Variants in TRAP1 observed in about 807,000 individuals in gnomAD.
TRAP1 encodes the protein heat shock protein 75 kDa, mitochondrial.
A neutral mutation model predicts 89.1 loss-of-function variants in TRAP1; 102 were observed. That is an observed-to-expected ratio of 1.15 (90% CI 0.98 to 1.35). The LOEUF is 1.35. TRAP1 is among the 40% of genes most tolerant of loss of function. The pLI, the probability that TRAP1 is intolerant of heterozygous loss-of-function variation, is 0.00. For synonymous variants in TRAP1, 508 were observed against 388.0 expected (o/e 1.31, Z -3.64); for missense variants, 1,256 against 945.3 (o/e 1.33, Z -4.31).
intron 2 of TRAP1, 88 bp from the exon 3 acceptor site, chr16:3,689,225 A>C (rs2051179137): frequency 1.9e-6 from 2 of 1,045,056 alleles, no homozygotes; most frequent in South Asian, 1.6e-5. Flanking sequence ...AGAAAGCTTA[A>C]GTTTATGAGT....
intron 1 of TRAP1, among the ~76,000 whole-genome samples, chr16:3,694,954 C>T (rs1198695476): frequency 2.0e-5 from 3 of 152,190 alleles, no homozygotes; most frequent in African/African-American, 4.8e-5. Context: ...GGTCTGTTTG[C>T]GCCTCTTCCA....
At chr16:3,712,378 T>C (rs971507892) in intron 1 of TRAP1, among the ~76,000 whole-genome samples, 9 of 148,838 alleles carry the variant, frequency 6.0e-5, no homozygotes, top group African/African-American at 2.2e-4. Flanking sequence ...GCCTCTTTCA[T>C]GGAACTCACC....
rs145878980 is a variant in TRAP1, at chr16:3,658,144, G to C, written c.2100C>G (p.Ala700=). The change falls in exon 18 of 18, where the codon GCC becomes GCG. Residue 700 remains alanine (A), a synonymous_variant. Coordinates refer to ENST00000246957, the MANE Select transcript of TRAP1 (RefSeq NM_016292.3). Reference sequence around the variant, plus strand: ...CCCCTGGCTGTCAGTGTCGCTCCAGGGCCTTGACAAGCAGCTCATTCAAGC... The same window carrying C: ...CCCCTGGCTGTCAGTGTCGCTCCAGCGCCTTGACAAGCAGCTCATTCAAGC... ...VGRLNELLVK[A]LERH is the part of the protein sequence containing the mutation. 5 of 1,614,088 alleles carry C rather than the reference G, an allele frequency of 3.1e-6. No individual in the cohort carries two copies. Among genetic ancestry groups the C allele is most frequent in the Non-Finnish European group, 4.2e-6 (5 of 1,179,996 alleles).
chr16:3,671,725 A>C lies in TRAP1; in HGVS notation c.1232T>G (p.Ile411Ser), dbSNP rs773434458. The change falls in exon 11 of 18, where the codon ATC becomes AGC. Residue 411 changes from isoleucine to serine, a missense_variant. Physicochemically the swap from Ile to Ser is moderately radical, Grantham distance 142. Coordinates refer to ENST00000246957, the MANE Select transcript of TRAP1 (RefSeq NM_016292.3). ...SRELLQESALIRKLRDVLQQR... is the reference protein window; with the variant it reads ...SRELLQESALSRKLRDVLQQR... Reference sequence around the variant, plus strand: ...CTCCCCGCGGCCCGAGGCTCACCTGATGAGTGCGCTCTCCTGCAGCAGCTC... The same window carrying C: ...CTCCCCGCGGCCCGAGGCTCACCTGCTGAGTGCGCTCTCCTGCAGCAGCTC... 1 of 1,612,848 alleles carries C rather than the reference A, an allele frequency of 6.2e-7. No individual in the cohort carries two copies. The highest frequency in any genetic ancestry group is 8.5e-7 in the Non-Finnish European group (1 of 1,179,998).
At chr16:3,673,259 A>T (rs377099685) in intron 9 of TRAP1, among the ~76,000 whole-genome samples, 17 of 152,174 alleles carry the variant, frequency 1.1e-4, no homozygotes, top group African/African-American at 3.6e-4. Context: ...TGAAGATGAA[A>T]CTCAAATTTC....
At chr16:3,705,918 C>G (rs990751932) in intron 1 of TRAP1, among the ~76,000 whole-genome samples, 4 of 151,816 alleles carry the variant, frequency 2.6e-5, no homozygotes, top group African/African-American at 9.7e-5. Context: ...GTCTCAAACT[C>G]CTGACCTCAG....
At chr16:3,664,185 G>C in intron 13 of TRAP1, 89 bp downstream of exon 13, 2 of 1,367,382 alleles carry the variant, frequency 1.5e-6, no homozygotes, top group Non-Finnish European at 9.6e-7. Context: ...CCGGAGTCTT[G>C]GGCAGGTTCA....
In TRAP1 at chr16:3,703,043, G is replaced by GGAAAAAAAAAAAAAA. The variant is rs564433883; in HGVS notation, c.89-12059_89-12058insTTTTTTTTTTTTTTC. 9.2e-5 allele frequency among the ~76,000 whole-genome samples: 4 copies of GGAAAAAAAAAAAAAA among 43,500 alleles called. 1 individual carries two copies. Among genetic ancestry groups the GGAAAAAAAAAAAAAA allele is most frequent in the East Asian group, 6.9e-4 (1 of 1,446 alleles). 28.5% of individuals were successfully genotyped at this position (43,500 alleles called of 152,430 possible). A position where few individuals can be genotyped will look rare whatever the true frequency, so the allele number is the denominator to read the frequency against. ...GAGAACAAGAGTGAAACTCCGTCTT[G>GGAAAAAAAAAAAAAA]AAAAAAAAAAAAAAAAAAAAAAAGC... On this transcript the variant is annotated intron_variant, in intron 1 of 17. Transcript: ENST00000246957.
At chr16:3,669,521 G>C (rs2050881935) in intron 11 of TRAP1, among the ~76,000 whole-genome samples, 1 of 152,040 alleles carries the variant, frequency 6.6e-6, no homozygotes, top group African/African-American at 2.4e-5. Context: ...CTATCCTAAG[G>C]AAATACAGCT....
rs780172125 is a variant in TRAP1 at position 3,672,022 on chromosome 16, A to G, written c.1166-231T>C. The stretch of plus-strand genomic sequence containing the variant: ...GCCTCGGGGTAACACTCGGAAAATG[A>G]CAGCCTGGGCTTTATGTTAAAAATC... On this transcript the variant is annotated intron_variant, in intron 10 of 17. Coordinates refer to ENST00000246957, the MANE Select transcript of TRAP1 (RefSeq NM_016292.3). Among the ~76,000 whole-genome samples, 6 of 152,228 alleles carry G rather than the reference A, an allele frequency of 3.9e-5. No homozygotes were observed. In the South Asian group the frequency reaches 6.2e-4, roughly 16 times the overall value.
At chr16:3,658,958 C>T (rs770648586) in intron 16 of TRAP1, 93 bp from the exon 17 acceptor site, 69 of 1,255,352 alleles carry the variant, frequency 5.5e-5, no homozygotes, top group Non-Finnish European at 7.5e-5. Context: ...TTTAAAGAAG[C>T]ACAGTAAGAC....
chr16:3,663,331 G>A lies in TRAP1; in HGVS notation c.1708+93C>T, dbSNP rs2050732213. On this transcript the variant is annotated intron_variant, in intron 14 of 17. Transcript: ENST00000246957. ...GGGGGTGGCTGAGCCCAGGTCAACT[G>A]ACGAAAACCCAAAGGAAGCCCTCGC... The A allele has an allele frequency of 2.6e-6, 4 of 1,543,390 alleles. No individual in the cohort carries two copies. In the Admixed American group the frequency reaches 7.4e-5, roughly 29 times the overall value.
At chr16:3,674,880 C>T (rs1239824034) in intron 8 of TRAP1, 5 of 328,610 alleles carry the variant, frequency 1.5e-5, no homozygotes, top group African/African-American at 4.2e-5. Flanking sequence ...GACAGCATGC[C>T]GTGTGACTCC....
intron 2 of TRAP1, among the ~76,000 whole-genome samples, chr16:3,690,600 G>A (rs902644282): frequency 2.3e-4 from 35 of 152,176 alleles, no homozygotes; most frequent in Admixed American, 1.9e-3. Flanking sequence ...GGTGCCGGAC[G>A]GCAAACTCAC....
At chr16:3,712,811 T>C (rs2051549653) in intron 1 of TRAP1, among the ~76,000 whole-genome samples, 1 of 152,214 alleles carries the variant, frequency 6.6e-6, no homozygotes, top group African/African-American at 2.4e-5. Context: ...AGACGGGGTT[T>C]CGCCATGTTG....
In TRAP1 at chr16:3,677,283, G is replaced by A. The variant is rs116811376; in HGVS notation, c.704+215C>T. ...GCGGGCCGGACCTGCCTTCCCGAGC[G>A]CAGTGGTGGTGACCAACCACATGGG... On this transcript the variant is annotated intron_variant, in intron 6 of 17. Coordinates refer to ENST00000246957, the MANE Select transcript of TRAP1 (RefSeq NM_016292.3). Among the ~76,000 whole-genome samples, 993 of 152,208 alleles carry A rather than the reference G, an allele frequency of 6.5e-3. 8 individuals carry two copies. The highest frequency in any genetic ancestry group is 0.02 in the Middle Eastern group (6 of 294).
intron 1 of TRAP1, among the ~76,000 whole-genome samples, chr16:3,696,326 C>G (rs1053584795): frequency 3.3e-5 from 5 of 152,162 alleles, no homozygotes; most frequent in Admixed American, 1.3e-4. Context: ...CACAGCCCAG[C>G]CAGAAGGGCT....
At chr16:3,688,048 AT>A (rs1369368155) in intron 3 of TRAP1, among the ~76,000 whole-genome samples, 4 of 152,104 alleles carry the variant, frequency 2.6e-5, no homozygotes, top group African/African-American at 9.7e-5. Flanking sequence ...GAGCTTTGAA[AT>A]CTGCTGCTTT....
chr16:3,706,595 G>A (rs919684555), intron 1 of TRAP1, among the ~76,000 whole-genome samples: 1 of 151,560 alleles, frequency 6.6e-6, no homozygotes, highest in South Asian at 2.1e-4. Context: ...AAATGGCTGG[G>A]ACCACAGGCA....
Sources: gnomAD v4.1 joint callset for allele counts (sites outside exome capture counted in the v4.1 genomes callset) on GRCh38, gnomAD v4.1.1 for gene constraint, MANE v1.5 for transcripts, NCBI Gene and HGNC (gene_info 2026-07-23, HGNC 2026-07-21) for gene names.